Variants in RALGAPA2 observed in about 807,000 individuals in gnomAD.
The protein encoded by RALGAPA2 is ral GTPase-activating protein subunit alpha-2.
RALGAPA2 carries 139 observed loss-of-function variants against 230.4 expected under a neutral mutation model. The observed-to-expected ratio is 0.60, with a 90% CI of 0.53 to 0.69. The LOEUF (loss-of-function observed/expected upper bound fraction) is 0.69. RALGAPA2 is among the 30% of genes least tolerant of loss of function. The pLI, the probability that RALGAPA2 is intolerant of heterozygous loss-of-function variation, is 0.00. For missense variants in RALGAPA2, 2,163 were observed against 2,276.0 expected (o/e 0.95, Z 1.01); for synonymous variants, 847 against 837.8 (o/e 1.01, Z -0.19).
chr20:20,476,607 AT>A (rs1476352013), intron 36 of RALGAPA2, among the ~76,000 whole-genome samples: 11 of 151,732 alleles, frequency 7.2e-5, no homozygotes, highest in Admixed American at 3.3e-4. Flanking sequence ...CAGAAAAAAA[AT>A]ATGACAAAAT....
chr20:20,527,348 T>G (rs1309111724), intron 27 of RALGAPA2, among the ~76,000 whole-genome samples: 1 of 152,182 alleles, frequency 6.6e-6, no homozygotes, highest in East Asian at 1.9e-4. Context: ...GTTGTAGTCG[T>G]TGCACTCAGG....
intron 2 of RALGAPA2, among the ~76,000 whole-genome samples, chr20:20,677,119 G>C (rs942091000): frequency 4.6e-5 from 7 of 152,116 alleles, no homozygotes; most frequent in Non-Finnish European, 8.8e-5. Context: ...TAGGCCCTGA[G>C]GATACAGGAG....
chr20:20,693,444 C>T (rs1436372768), intron 1 of RALGAPA2, among the ~76,000 whole-genome samples: 1 of 152,084 alleles, frequency 6.6e-6, no homozygotes, highest in Non-Finnish European at 1.5e-5. Context: ...CACACTTGGA[C>T]CTCCTTTTCT....
chr20:20,446,323 A>C (rs1190153891), intron 37 of RALGAPA2, among the ~76,000 whole-genome samples: 1 of 152,238 alleles, frequency 6.6e-6, no homozygotes, highest in East Asian at 1.9e-4. Flanking sequence ...ATATATTATA[A>C]ATTGGTTAAA....
chr20:20,502,284 C>CA (rs61296786), intron 35 of RALGAPA2, among the ~76,000 whole-genome samples: 3,394 of 151,958 alleles, frequency 0.022, 127 homozygotes, highest in African/African-American at 0.079. Flanking sequence ...CAAAACCGTA[C>CA]AATAAAGAAA....
At chr20:20,576,154 A>G (rs757657962) in intron 20 of RALGAPA2, among the ~76,000 whole-genome samples, 2 of 152,142 alleles carry the variant, frequency 1.3e-5, no homozygotes, top group Non-Finnish European at 2.9e-5. Flanking sequence ...TGTGACAATA[A>G]TATAGTTTCC....
At chr20:20,710,914 G>A (rs1031602888) in intron 1 of RALGAPA2, among the ~76,000 whole-genome samples, 2 of 152,154 alleles carry the variant, frequency 1.3e-5, no homozygotes, top group Admixed American at 1.3e-4. Context: ...CCCTGCAGTA[G>A]GTGTTAATCA....
chr20:20,562,815 A>T (rs1289573227), intron 23 of RALGAPA2, among the ~76,000 whole-genome samples: 1 of 152,226 alleles, frequency 6.6e-6, no homozygotes, highest in Non-Finnish European at 1.5e-5. Flanking sequence ...CAGATTAATG[A>T]AAATAATTAT....
At chr20:20,594,058 G>A (rs984756223) in intron 16 of RALGAPA2, among the ~76,000 whole-genome samples, 4 of 152,144 alleles carry the variant, frequency 2.6e-5, no homozygotes, top group African/African-American at 9.7e-5. Context: ...GAAGGAAGGG[G>A]AGAGCCACGA....
At chr20:20,578,040 G>C (rs1002090775) in intron 20 of RALGAPA2, among the ~76,000 whole-genome samples, 2 of 152,096 alleles carry the variant, frequency 1.3e-5, no homozygotes, top group Non-Finnish European at 2.9e-5. Flanking sequence ...ATCTGCTTCA[G>C]TACTGCTTTA....
chr20:20,433,813 C>A (rs779530740), intron 37 of RALGAPA2, among the ~76,000 whole-genome samples: 1 of 152,148 alleles, frequency 6.6e-6, no homozygotes, highest in Non-Finnish European at 1.5e-5. Flanking sequence ...CTTCACCACA[C>A]AACAGACAAG....
At chr20:20,431,476 C>T (rs932422709) in intron 37 of RALGAPA2, among the ~76,000 whole-genome samples, 6 of 152,134 alleles carry the variant, frequency 3.9e-5, no homozygotes, top group African/African-American at 1.4e-4. Flanking sequence ...TTTCAAAGAC[C>T]AGACAGGTTT....
At chr20:20,453,380 G>A (rs965948770) in intron 37 of RALGAPA2, among the ~76,000 whole-genome samples, 2 of 152,146 alleles carry the variant, frequency 1.3e-5, no homozygotes, top group African/African-American at 4.8e-5. Flanking sequence ...ACAGTGAGAT[G>A]AGACAGCGAT....
chr20:20,535,871 T>A, intron 25 of RALGAPA2, 68 bp from the exon 26 acceptor site: 1 of 1,498,606 alleles, frequency 6.7e-7, no homozygotes, highest in Non-Finnish European at 8.9e-7. Flanking sequence ...GTTCTGACCA[T>A]GTTCCAGGCA....
chr20:20,696,155 T>C (rs1055929031), intron 1 of RALGAPA2, among the ~76,000 whole-genome samples: 19 of 152,192 alleles, frequency 1.2e-4, no homozygotes, highest in Non-Finnish European at 2.6e-4. Context: ...GTTTCCGTCC[T>C]GTCTTCTCAT....
At chr20:20,439,502 C>G (rs1314039325) in intron 37 of RALGAPA2, among the ~76,000 whole-genome samples, 1 of 152,162 alleles carries the variant, frequency 6.6e-6, no homozygotes, top group Non-Finnish European at 1.5e-5. Context: ...TGTGAGCGAC[C>G]ACACCCAGCC....
chr20:20,531,805 AAGAAGAAAAC>A lies in RALGAPA2; in HGVS notation c.3474-20_3474-11del, dbSNP rs775468104. 8 of 1,573,978 alleles carry A rather than the reference AAGAAGAAAAC, an allele frequency of 5.1e-6. No individual in the cohort carries two copies. The Admixed American group carries it at 5.4e-5, about 11-fold the overall frequency. ...GCAAACAGCAATGCATCTTTTTAAA[AAGAAGAAAAC>A]AGAGGAAAACTCTCATGAAACTTAA... On this transcript the variant is annotated splice_polypyrimidine_tract_variant and intron_variant, in intron 26 of 39. Transcript: ENST00000202677.
At chr20:20,686,082 T>C (rs1029083430) in intron 1 of RALGAPA2, among the ~76,000 whole-genome samples, 1 of 152,206 alleles carries the variant, frequency 6.6e-6, no homozygotes, top group African/African-American at 2.4e-5. Context: ...TTCCACTCCT[T>C]TGTCCAGCTA....
intron 1 of RALGAPA2, among the ~76,000 whole-genome samples, chr20:20,709,719 T>C (rs369721119): frequency 6.6e-6 from 1 of 152,328 alleles, no homozygotes; most frequent in Admixed American, 6.5e-5. Context: ...GACCAGTCTA[T>C]AGCCAGGTGA....
Sources: allele counts gnomAD v4.1 joint callset (sites outside exome capture counted in the v4.1 genomes callset), GRCh38; gene constraint gnomAD v4.1.1; transcripts MANE v1.5; gene names NCBI Gene and HGNC (gene_info 2026-07-23, HGNC 2026-07-21).